The following ROBO2 variants were observed in gnomAD, a reference collection of about 807,000 sequenced individuals.
ROBO2 encodes roundabout guidance receptor 2.
In ROBO2, 53 loss-of-function variants were observed where a neutral mutation model predicts 160.8. The ratio of observed to expected loss-of-function variants is 0.33; its 90% CI spans 0.26 to 0.41. ROBO2 has a LOEUF of 0.41. Among genes scored for constraint, ROBO2 ranks in the 10% least tolerant of loss-of-function variants. ROBO2 has a pLI of 1.00. For synonymous variants in ROBO2, 664 were observed against 611.7 expected (o/e 1.09, Z -1.26); for missense variants, 1,577 against 1,722.4 (o/e 0.92, Z 1.49).
chr3:75,970,828 C>T (rs576056656), intron 2 of ROBO2, among the ~76,000 whole-genome samples: 18 of 150,966 alleles, frequency 1.2e-4, no homozygotes, highest in African/African-American at 4.1e-4. Flanking sequence ...AGACCAAAAG[C>T]CTGTCTTATA....
At chr3:76,580,546 A>G (rs1209662903) in intron 2 of ROBO2, among the ~76,000 whole-genome samples, 2 of 151,994 alleles carry the variant, frequency 1.3e-5, no homozygotes, top group Non-Finnish European at 2.9e-5. Flanking sequence ...AAAACATGAT[A>G]TTCAGGACCT....
intron 2 of ROBO2, among the ~76,000 whole-genome samples, chr3:76,326,691 C>T (rs1250831581): frequency 6.6e-6 from 1 of 151,418 alleles, no homozygotes; most frequent in East Asian, 1.9e-4. Context: ...CATACGTATA[C>T]ATGTGCCATG....
At chr3:76,357,761 C>T (rs958330890) in intron 2 of ROBO2, among the ~76,000 whole-genome samples, 1 of 151,750 alleles carries the variant, frequency 6.6e-6, no homozygotes, top group Admixed American at 6.6e-5. Flanking sequence ...GCAGGATAAA[C>T]AACCACAATT....
At chr3:76,288,143 A>G (rs933356425) in intron 2 of ROBO2, among the ~76,000 whole-genome samples, 23 of 116,976 alleles carry the variant, frequency 2.0e-4, no homozygotes, top group Non-Finnish European at 4.8e-5. Flanking sequence ...TAAGATATGA[A>G]AAAATTATTT....
intron 2 of ROBO2, among the ~76,000 whole-genome samples, chr3:77,415,708 G>A (rs1459609951): frequency 6.6e-6 from 1 of 152,092 alleles, no homozygotes; most frequent in African/African-American, 2.4e-5. Context: ...TTGGGCACCA[G>A]CATCTAGATA....
At chr3:77,604,988 A>G (rs1332242033) in intron 20 of ROBO2, among the ~76,000 whole-genome samples, 1 of 151,820 alleles carries the variant, frequency 6.6e-6, no homozygotes, top group East Asian at 1.9e-4. Context: ...CAACATGGTG[A>G]AACCCCATCT....
intron 2 of ROBO2, among the ~76,000 whole-genome samples, chr3:76,237,044 A>G (rs1328291747): frequency 6.6e-6 from 1 of 152,120 alleles, no homozygotes; most frequent in Non-Finnish European, 1.5e-5. Flanking sequence ...CTTTTAAGGT[A>G]TATGTAGTTA....
chr3:77,368,784 A>G (rs1292154491), intron 2 of ROBO2, among the ~76,000 whole-genome samples: 1 of 152,146 alleles, frequency 6.6e-6, no homozygotes, highest in Non-Finnish European at 1.5e-5. Context: ...TCCTTCCTAA[A>G]TTGATCTCTA....
intron 2 of ROBO2, among the ~76,000 whole-genome samples, chr3:76,779,190 T>TG: frequency 6.6e-6 from 1 of 151,020 alleles, no homozygotes; most frequent in Non-Finnish European, 1.5e-5. Flanking sequence ...AAGTAAGATT[T>TG]ACACATAAAA....
chr3:77,237,490 C>T (rs2088246047), intron 2 of ROBO2, among the ~76,000 whole-genome samples: 2 of 145,810 alleles, frequency 1.4e-5, no homozygotes, highest in South Asian at 2.2e-4. Context: ...ATCTTGAACT[C>T]GTGATCTCCA....
chr3:77,385,674 G>T (rs1179760226), intron 2 of ROBO2, among the ~76,000 whole-genome samples: 1 of 152,124 alleles, frequency 6.6e-6, no homozygotes, highest in Non-Finnish European at 1.5e-5. Flanking sequence ...TTTTCATTCT[G>T]TGAGGTCTTT....
At chr3:77,406,819 T>C (rs556266562) in intron 2 of ROBO2, among the ~76,000 whole-genome samples, 2 of 152,332 alleles carry the variant, frequency 1.3e-5, no homozygotes, top group African/African-American at 4.8e-5. Context: ...TTGAATTATT[T>C]TATGCTTCTT....
chr3:76,206,245 A>T (rs1559639904), intron 2 of ROBO2, among the ~76,000 whole-genome samples: 1 of 151,970 alleles, frequency 6.6e-6, no homozygotes, highest in African/African-American at 2.4e-5. Context: ...GCCTTACATT[A>T]CTGTCTGAGA....
intron 2 of ROBO2, among the ~76,000 whole-genome samples, chr3:76,443,633 A>G (rs764562610): frequency 6.6e-6 from 1 of 152,170 alleles, no homozygotes; most frequent in Non-Finnish European, 1.5e-5. Flanking sequence ...AATCACTAGA[A>G]AAGTTAAGGC....
intron 2 of ROBO2, among the ~76,000 whole-genome samples, chr3:76,390,517 G>C (rs146573089): frequency 6.6e-6 from 1 of 152,068 alleles, no homozygotes; most frequent in African/African-American, 2.4e-5. Context: ...ATTTTTACCA[G>C]TATGCTAGAC....
At chr3:77,250,290 A>T (rs982069222) in intron 2 of ROBO2, among the ~76,000 whole-genome samples, 1 of 152,288 alleles carries the variant, frequency 6.6e-6, no homozygotes, top group African/African-American at 2.4e-5. Context: ...TGGTAAGATC[A>T]TTTTGAGGAT....
At chr3:76,906,157 C>T (rs1438032693) in intron 2 of ROBO2, among the ~76,000 whole-genome samples, 3 of 152,160 alleles carry the variant, frequency 2.0e-5, no homozygotes, top group East Asian at 3.9e-4. Flanking sequence ...TAATAATTCT[C>T]ATGTCAAAAA....
At chr3:77,118,730 T>C (rs541475608) in intron 2 of ROBO2, among the ~76,000 whole-genome samples, 1 of 152,312 alleles carries the variant, frequency 6.6e-6, no homozygotes, top group African/African-American at 2.4e-5. Context: ...CAGTCACGCA[T>C]TGCTTAACAA....
intron 8 of ROBO2, among the ~76,000 whole-genome samples, chr3:77,555,659 G>A (rs1181122009): frequency 6.6e-6 from 1 of 151,922 alleles, no homozygotes; most frequent in South Asian, 2.1e-4. Flanking sequence ...AAGTTAAAAA[G>A]ACTGGGGAGA....
Sources: gnomAD v4.1 joint callset for allele counts (sites outside exome capture counted in the v4.1 genomes callset) on GRCh38, gnomAD v4.1.1 for gene constraint, MANE v1.5 for transcripts, NCBI Gene and HGNC (gene_info 2026-07-23, HGNC 2026-07-21) for gene names.